BCAS1: variants seen among roughly 807,000 people sequenced by gnomAD.
BCAS1 encodes the protein breast carcinoma-amplified sequence 1.
A neutral mutation model predicts 65.4 loss-of-function variants in BCAS1; 46 were observed. That is an observed-to-expected ratio of 0.70 (90% confidence interval 0.55 to 0.90). The LOEUF (loss-of-function observed/expected upper bound fraction) is 0.90. Ranked by LOEUF, BCAS1 falls within the 40% of genes least tolerant of loss-of-function variation. The probability of loss-of-function intolerance (pLI) is 0.00; values close to 1 mark genes in which losing one functional copy is unlikely to be tolerated. For synonymous variants in BCAS1, 298 were observed against 293.5 expected (o/e 1.02, Z -0.16); for missense variants, 793 against 771.2 (o/e 1.03, Z -0.33).
rs1414088303 is a variant in BCAS1, at chr20:53,943,863, A to G, written c.*1059T>C. ...ACATTAATAATGTAAGATAGCAGAG[A>G]CCAAATCTTTGTTAGGGATACAGTA... On this transcript the variant is annotated 3_prime_UTR_variant, in exon 13 of 13. Transcript: ENST00000688948. 1.3e-5 allele frequency: 2 copies of G among 152,226 alleles called. No individual in the cohort carries two copies. The highest frequency in any genetic ancestry group is 2.9e-5 in the Non-Finnish European group (2 of 68,040). 9.4% of individuals were successfully genotyped at this position (152,226 alleles called of 1,614,324 possible). A position where few individuals can be genotyped will look rare whatever the true frequency, so the allele number is the denominator to read the frequency against.
At chr20:54,068,522 G>C (rs1054752249) in intron 1 of BCAS1, 2 of 153,070 alleles carry the variant, frequency 1.3e-5, no homozygotes, top group African/African-American at 4.8e-5. Flanking sequence ...CCCTGACCCT[G>C]GTGCCAGGCA....
intron 4 of BCAS1, among the ~76,000 whole-genome samples, chr20:54,013,356 G>A (rs1162518909): frequency 6.6e-6 from 1 of 152,170 alleles, no homozygotes; most frequent in Non-Finnish European, 1.5e-5. Flanking sequence ...GGATTGAGAA[G>A]GCTTTTGTGT....
At chr20:54,069,843 A>T (rs2092493358) in intron 1 of BCAS1, among the ~76,000 whole-genome samples, 1 of 152,208 alleles carries the variant, frequency 6.6e-6, no homozygotes, top group South Asian at 2.1e-4. Flanking sequence ...GCGCACCCGC[A>T]TTCTAATCGC....
At chr20:54,065,592 A>G (rs1159144427) in intron 1 of BCAS1, among the ~76,000 whole-genome samples, 1 of 152,154 alleles carries the variant, frequency 6.6e-6, no homozygotes, top group Non-Finnish European at 1.5e-5. Context: ...GCTAGTGCTG[A>G]TATTGAGGGG....
At chr20:54,068,369 CT>C (rs2092470781) in intron 1 of BCAS1, 1 of 154,368 alleles carries the variant, frequency 6.5e-6, no homozygotes, top group Non-Finnish European at 1.5e-5. Context: ...TAATTGGAGG[CT>C]TACTATGTGC....
At chr20:54,018,096 G>A (rs565628689) in intron 4 of BCAS1, among the ~76,000 whole-genome samples, 5 of 152,282 alleles carry the variant, frequency 3.3e-5, no homozygotes, top group African/African-American at 1.2e-4. Context: ...AAGAAAGAAA[G>A]AAAAAGTCAC....
chr20:53,988,468 G>C (rs1242216764), intron 7 of BCAS1, among the ~76,000 whole-genome samples: 1 of 152,184 alleles, frequency 6.6e-6, no homozygotes. Context: ...TTAAGCACCT[G>C]AATGTCCTGA....
At chr20:54,007,576 C>T (rs1480458222) in intron 4 of BCAS1, among the ~76,000 whole-genome samples, 2 of 152,206 alleles carry the variant, frequency 1.3e-5, no homozygotes, top group Non-Finnish European at 2.9e-5. Flanking sequence ...ATGTCTCCTG[C>T]CTTGGACAGA....
intron 3 of BCAS1, among the ~76,000 whole-genome samples, chr20:54,043,307 TG>T: frequency 6.6e-6 from 1 of 151,580 alleles, no homozygotes; most frequent in Non-Finnish European, 1.5e-5. Context: ...TTGATGATGA[TG>T]ATGATGATGA....
chr20:54,017,895 C>A (rs1448350640), intron 4 of BCAS1, among the ~76,000 whole-genome samples: 1 of 151,970 alleles, frequency 6.6e-6, no homozygotes, highest in East Asian at 1.9e-4. Flanking sequence ...TTACGGAAAA[C>A]AAACAAACAA....
chr20:53,998,282 A>AT (rs769928948), intron 4 of BCAS1, among the ~76,000 whole-genome samples: 1 of 152,118 alleles, frequency 6.6e-6, no homozygotes, highest in East Asian at 1.9e-4. Flanking sequence ...GTATTGGGCC[A>AT]TTTTTTGCGT....
At chr20:53,946,630 AG>A (rs1307817891) in intron 12 of BCAS1, among the ~76,000 whole-genome samples, 6 of 150,986 alleles carry the variant, frequency 4.0e-5, no homozygotes, top group Non-Finnish European at 3.0e-5. Flanking sequence ...AGTATAATAT[AG>A]GGTAGTGTAT....
At chr20:53,982,132 A>G (rs937289542) in intron 8 of BCAS1, among the ~76,000 whole-genome samples, 1 of 152,236 alleles carries the variant, frequency 6.6e-6, no homozygotes, top group African/African-American at 2.4e-5. Context: ...CAATTTGTCC[A>G]GGGATACACA....
In BCAS1 at chr20:54,059,491, CT is replaced by C. The variant is rs11484469; in HGVS notation, c.-5-769del. Reference sequence around the variant, plus strand: ...CTATTAAAACCTTTTACACTACGGCCTTTTTTTTTTCATAGCATTTAGCAGG... The same window carrying C: ...CTATTAAAACCTTTTACACTACGGCCTTTTTTTTTCATAGCATTTAGCAGG... On this transcript the variant is annotated intron_variant, in intron 1 of 12. Coordinates refer to ENST00000688948, the MANE Select transcript of BCAS1 (RefSeq NM_001366298.2). Among the ~76,000 whole-genome samples, 609 of 148,878 alleles carry C rather than the reference CT, an allele frequency of 4.1e-3. 4 individuals are homozygous for C. The highest frequency in any genetic ancestry group is 0.014 in the African/African-American group (558 of 40,666).
At chr20:54,068,836 C>T (rs1419466360) in intron 1 of BCAS1, among the ~76,000 whole-genome samples, 1 of 152,122 alleles carries the variant, frequency 6.6e-6, no homozygotes, top group Non-Finnish European at 1.5e-5. Context: ...TCTAATACTC[C>T]AGCAGGACAG....
At chr20:53,975,477 A>G in intron 8 of BCAS1, 47 bp from the exon 9 acceptor site, 2 of 1,557,290 alleles carry the variant, frequency 1.3e-6, no homozygotes, top group South Asian at 2.2e-5. Flanking sequence ...GTTACAGAAA[A>G]CAAAATTGTT....
At chr20:53,955,647 G>T (rs141434657) in intron 11 of BCAS1, among the ~76,000 whole-genome samples, 138 of 152,286 alleles carry the variant, frequency 9.1e-4, no homozygotes, top group Middle Eastern at 3.4e-3. Flanking sequence ...CTCTATGGGA[G>T]CAATAAAAGA....
chr20:54,055,897 A>G (rs1265954112), intron 3 of BCAS1, among the ~76,000 whole-genome samples: 2 of 152,220 alleles, frequency 1.3e-5, no homozygotes, highest in Non-Finnish European at 2.9e-5. Context: ...AACAACATGG[A>G]TGAACCTGGA....
intron 12 of BCAS1, among the ~76,000 whole-genome samples, 193 bp downstream of exon 12, chr20:53,953,239 G>T (rs190025324): frequency 3.4e-4 from 52 of 152,310 alleles, no homozygotes; most frequent in African/African-American, 1.2e-3. Context: ...GCAATAATTT[G>T]CTCAAGGTCT....
Sources: gnomAD v4.1 joint callset for allele counts (sites outside exome capture counted in the v4.1 genomes callset) on GRCh38, gnomAD v4.1.1 for gene constraint, MANE v1.5 for transcripts, NCBI Gene and HGNC (gene_info 2026-07-23, HGNC 2026-07-21) for gene names.